The following CEP63 variants were observed in gnomAD, a reference collection of about 807,000 sequenced individuals.
The protein encoded by CEP63 is centrosomal protein of 63 kDa.
A neutral mutation model predicts 89.1 loss-of-function variants in CEP63; 84 were observed. That is an observed-to-expected ratio of 0.94 (90% CI 0.79 to 1.13). The LOEUF is 1.13. Among genes scored for constraint, CEP63 ranks in the 50% most tolerant of loss-of-function variants. The pLI is 0.00. For missense variants in CEP63, 838 were observed against 813.3 expected (o/e 1.03, Z -0.37); for synonymous variants, 267 against 272.5 (o/e 0.98, Z 0.20).
chr3:134,707,655 TG>T, the CEP63 span, among the ~76,000 whole-genome samples: 2 of 152,066 alleles, frequency 1.3e-5, no homozygotes, highest in African/African-American at 4.8e-5. Flanking sequence ...ACAACGGTGA[TG>T]TTGAACAGTG....
intron 2 of CEP63, among the ~76,000 whole-genome samples, chr3:134,498,447 ACT>A (rs987578362): frequency 6.6e-6 from 1 of 152,096 alleles, no homozygotes; most frequent in African/African-American, 2.4e-5. Context: ...CAGTTCTAAG[ACT>A]TTTTTGGTGG....
the CEP63 span, among the ~76,000 whole-genome samples, chr3:134,636,558 C>A: frequency 2.0e-5 from 3 of 152,326 alleles, no homozygotes; most frequent in African/African-American, 4.8e-5. Context: ...TCAGGTGAGG[C>A]TATCCCAGAC....
the CEP63 span, among the ~76,000 whole-genome samples, chr3:134,778,149 G>T: frequency 6.7e-6 from 1 of 149,668 alleles, no homozygotes. Flanking sequence ...CCAGGCTGGA[G>T]TGCAGTGATG....
At chr3:134,639,070 GT>G in the CEP63 span, among the ~76,000 whole-genome samples, 429 of 128,490 alleles carry the variant, frequency 3.3e-3, no homozygotes, top group East Asian at 9.3e-3. Flanking sequence ...CTACTTTGGA[GT>G]TTTTTTTTTT....
the CEP63 span, among the ~76,000 whole-genome samples, chr3:134,684,692 C>A: frequency 6.6e-6 from 1 of 152,232 alleles, no homozygotes; most frequent in Non-Finnish European, 1.5e-5. Flanking sequence ...AACTTTGTCC[C>A]CAGGCAGACC....
chr3:134,558,294 G>T lies in CEP63; in HGVS notation c.1620G>T (p.Arg540Ser). The change falls in exon 13 of 15, where the codon AGG (arginine) becomes AGT (serine). Residue 540 changes from arginine (R) to serine (S), a missense_variant. Physicochemically the swap from Arg to Ser is moderately radical, Grantham distance 110. Coordinates refer to ENST00000675561, the MANE Select transcript of CEP63 (RefSeq NM_001353108.3). ...AGATGTGCAAAAAACAAAATGACAG[G>T]ATCTTTAAACCAACACACAGCAGAA... ...STQMCKKQND[R>S]IFKPTHSRTT... 1.2e-6 allele frequency: 2 copies of T among 1,613,814 alleles called. No homozygotes were observed. The highest frequency in any genetic ancestry group is 1.7e-6 in the Non-Finnish European group (2 of 1,179,884).
the CEP63 span, among the ~76,000 whole-genome samples, chr3:134,757,714 G>A: frequency 6.6e-6 from 1 of 152,302 alleles, no homozygotes; most frequent in African/African-American, 2.4e-5. Flanking sequence ...GGGCCCTTGG[G>A]GGGTGGTGCA....
intron 1 of CEP63, 133 bp downstream of exon 1, chr3:134,486,335 G>A (rs1935343863): frequency 3.0e-6 from 3 of 985,560 alleles, no homozygotes; most frequent in Non-Finnish European, 3.6e-6. Context: ...TGGCTTCGCG[G>A]CCTCATGGCT....
chr3:134,754,876 T>G, the CEP63 span, among the ~76,000 whole-genome samples: 1 of 151,900 alleles, frequency 6.6e-6, no homozygotes, highest in Middle Eastern at 3.2e-3. Flanking sequence ...AATGAGTAAA[T>G]GGGAAACAGA....
chr3:134,738,355 G>A, the CEP63 span, among the ~76,000 whole-genome samples: 1,177 of 152,112 alleles, frequency 7.7e-3, 9 homozygotes, highest in African/African-American at 0.025. Context: ...TTGCAATCGT[G>A]AATTGTGCTG....
intron 8 of CEP63, 48 bp downstream of exon 8, chr3:134,546,336 G>T: frequency 1.3e-6 from 2 of 1,492,988 alleles, no homozygotes; most frequent in Non-Finnish European, 1.9e-6. Flanking sequence ...TAATGACTAG[G>T]TATTAAGCAC....
intron 1 of CEP63, among the ~76,000 whole-genome samples, chr3:134,494,801 G>C (rs1939174841): frequency 6.6e-6 from 1 of 152,160 alleles, no homozygotes; most frequent in Non-Finnish European, 1.5e-5. Flanking sequence ...CATGCAGGAA[G>C]CTCTATGAGC....
intron 3 of CEP63, among the ~76,000 whole-genome samples, chr3:134,513,134 A>G (rs1487554406): frequency 2.0e-5 from 3 of 152,156 alleles, no homozygotes; most frequent in Non-Finnish European, 4.4e-5. Flanking sequence ...TTTCAAGGAT[A>G]GGTGTATAGC....
the CEP63 span, among the ~76,000 whole-genome samples, chr3:134,690,743 ATTTTTTTT>A: frequency 2.5e-5 from 3 of 120,782 alleles, no homozygotes; most frequent in African/African-American, 3.5e-5. Context: ...GAAGACCAAG[ATTTTTTTT>A]TTTTTTTTTT....
chr3:134,738,970 A>T, the CEP63 span, among the ~76,000 whole-genome samples: 1,724 of 150,478 alleles, frequency 0.011, 30 homozygotes, highest in African/African-American at 0.04. Context: ...CTATAATAAA[A>T]AAAAAAAAAA....
intron 10 of CEP63, among the ~76,000 whole-genome samples, chr3:134,582,202 T>G (rs929406921): frequency 2.8e-5 from 3 of 106,236 alleles, no homozygotes; most frequent in African/African-American, 9.2e-5. Context: ...AATTATACTT[T>G]AAGTTCTAGG....
chr3:134,635,577 T>G, the CEP63 span, among the ~76,000 whole-genome samples: 1 of 147,386 alleles, frequency 6.8e-6, no homozygotes, highest in Non-Finnish European at 1.5e-5. Flanking sequence ...CCACACAAGA[T>G]AATTTTAAAG....
chr3:134,634,380 G>A, the CEP63 span, among the ~76,000 whole-genome samples: 1 of 152,140 alleles, frequency 6.6e-6, no homozygotes, highest in Non-Finnish European at 1.5e-5. Context: ...ACAACAATGT[G>A]ATGTTGGTAA....
At chr3:134,532,937 C>T (rs1950130968) in intron 5 of CEP63, 37 bp downstream of exon 5, 1 of 1,609,120 alleles carries the variant, frequency 6.2e-7, no homozygotes, top group South Asian at 1.1e-5. Context: ...TAGTGATTGT[C>T]AGCCTTCACG....
Sources: allele counts gnomAD v4.1 joint callset (sites outside exome capture counted in the v4.1 genomes callset), GRCh38; gene constraint gnomAD v4.1.1; transcripts MANE v1.5; gene names NCBI Gene and HGNC (gene_info 2026-07-23, HGNC 2026-07-21).